Variants in SUSD1 observed in about 807,000 individuals in gnomAD.
The protein encoded by SUSD1 is sushi domain-containing protein 1.
Under a neutral mutation model 86.9 loss-of-function variants are expected in SUSD1, and 65 were observed. The ratio of observed to expected loss-of-function variants is 0.75; its 90% CI spans 0.61 to 0.92. SUSD1 has a LOEUF of 0.92. Ranked by LOEUF, SUSD1 falls within the 40% of genes least tolerant of loss-of-function variation. The pLI is 0.00. For missense variants in SUSD1, 850 were observed against 929.7 expected (o/e 0.91, Z 1.11); for synonymous variants, 346 against 350.0 (o/e 0.99, Z 0.13).
intron 2 of SUSD1, among the ~76,000 whole-genome samples, chr9:112,156,481 A>C (rs1833328888): frequency 6.6e-6 from 1 of 151,568 alleles, no homozygotes; most frequent in African/African-American, 2.4e-5. Context: ...AAAAATACTC[A>C]CTGAAGCTTC....
At chr9:112,076,329 T>C (rs992173623) in intron 12 of SUSD1, among the ~76,000 whole-genome samples, 11 of 152,120 alleles carry the variant, frequency 7.2e-5, no homozygotes, top group African/African-American at 2.4e-4. Flanking sequence ...TGGGGAGAAG[T>C]GGTGGAATTC....
At chr9:112,162,891 G>T (rs1833631163) in intron 1 of SUSD1, among the ~76,000 whole-genome samples, 1 of 152,178 alleles carries the variant, frequency 6.6e-6, no homozygotes, top group Non-Finnish European at 1.5e-5. Flanking sequence ...TATGGAAAAT[G>T]TAATTCTGCT....
intron 5 of SUSD1, among the ~76,000 whole-genome samples, chr9:112,126,938 T>C (rs1444881799): frequency 6.6e-6 from 1 of 152,148 alleles, no homozygotes; most frequent in Non-Finnish European, 1.5e-5. Flanking sequence ...TACCCATCCA[T>C]GTTAAGGGGT....
chr9:112,097,320 A>G (rs953836873), intron 10 of SUSD1, among the ~76,000 whole-genome samples: 7 of 150,872 alleles, frequency 4.6e-5, no homozygotes, highest in African/African-American at 1.7e-4. Flanking sequence ...GCGAGACTCC[A>G]TCTCAAAAAA....
chr9:112,100,226 G>A (rs1174016944), intron 9 of SUSD1, among the ~76,000 whole-genome samples: 7 of 151,810 alleles, frequency 4.6e-5, no homozygotes, highest in African/African-American at 1.5e-4. Flanking sequence ...TTGCTCTGTC[G>A]CCCAGGCTGG....
rs145428257 is a variant in SUSD1 at position 112,042,514 on chromosome 9, C to T, written c.2150-554G>A. On this transcript the variant is annotated intron_variant, in intron 15 of 16. Coordinates refer to ENST00000374270, the MANE Select transcript of SUSD1 (RefSeq NM_022486.5). ...GGATAAAAGTACTTTGAAAGACATA[C>T]TTTCTATTTGGGGACCATCACATGC... 7.2e-3 allele frequency among the ~76,000 whole-genome samples: 1,099 copies of T among 152,292 alleles called. 6 individuals carry two copies. The highest frequency in any genetic ancestry group is 0.011 in the Non-Finnish European group (746 of 68,018).
intron 3 of SUSD1, among the ~76,000 whole-genome samples, chr9:112,147,272 C>T (rs1236510531): frequency 6.6e-6 from 1 of 152,246 alleles, no homozygotes; most frequent in Admixed American, 6.5e-5. Context: ...TTTGGGAGGC[C>T]GAGGCAGGTG....
At chr9:112,128,025 A>T (rs1159154340) in intron 5 of SUSD1, among the ~76,000 whole-genome samples, 1 of 151,040 alleles carries the variant, frequency 6.6e-6, no homozygotes, top group African/African-American at 2.4e-5. Context: ...CTGGTCTCTT[A>T]CTCTCGGACT....
rs529470594 is a variant in SUSD1, at chr9:112,142,961, C to CTTTTTTTTTT, written c.527-472_527-463dup. Among the ~76,000 whole-genome samples the CTTTTTTTTTT allele has an allele frequency of 2.6e-4, 8 of 30,216 alleles. 2 individuals carry two copies. The highest frequency in any genetic ancestry group is 4.2e-4 in the Non-Finnish European group (6 of 14,306). The allele number at this position is 30,216 out of a possible 152,430, so 19.8% of individuals were successfully genotyped here. A position where few individuals can be genotyped will look rare whatever the true frequency, so the allele number is the denominator to read the frequency against. ...AATCCTTTAAGTTTATGAATTTTAG[C>CTTTTTTTTTT]TTTTTTTTTTTTTTTTTTTTTTTTT... On this transcript the variant is annotated intron_variant, in intron 4 of 16. Transcript: ENST00000374270.
chr9:112,114,300 T>C (rs1246133373), intron 6 of SUSD1, among the ~76,000 whole-genome samples: 1 of 152,130 alleles, frequency 6.6e-6, no homozygotes, highest in East Asian at 1.9e-4. Context: ...CTGGCTAACA[T>C]GGCAAAACCC....
At chr9:112,054,294 G>GT (rs2118919324) in intron 14 of SUSD1, among the ~76,000 whole-genome samples, 1 of 152,290 alleles carries the variant, frequency 6.6e-6, no homozygotes, top group South Asian at 2.1e-4. Context: ...GGAAAAGACA[G>GT]TTTTTTCAGG....
chr9:112,123,791 G>A (rs539027646), intron 6 of SUSD1, among the ~76,000 whole-genome samples: 1 of 152,252 alleles, frequency 6.6e-6, no homozygotes, highest in Non-Finnish European at 1.5e-5. Flanking sequence ...CAGGGTGACA[G>A]AGCAAGACTC....
At chr9:112,146,566 C>T (rs1832817532) in intron 3 of SUSD1, among the ~76,000 whole-genome samples, 1 of 151,928 alleles carries the variant, frequency 6.6e-6, no homozygotes, top group South Asian at 2.1e-4. Context: ...CTTTCCTCTT[C>T]CCCTCTTCTT....
intron 8 of SUSD1, among the ~76,000 whole-genome samples, chr9:112,106,076 G>A (rs1295137949): frequency 1.3e-5 from 2 of 152,100 alleles, no homozygotes; most frequent in African/African-American, 4.8e-5. Context: ...TGCAAGCTCT[G>A]CCTCCCATGT....
At chr9:112,101,887 A>T (rs775924109) in intron 9 of SUSD1, among the ~76,000 whole-genome samples, 1 of 152,236 alleles carries the variant, frequency 6.6e-6, no homozygotes, top group Admixed American at 6.5e-5. Flanking sequence ...TCCATGCCCA[A>T]ATGTGAATCT....
chr9:112,124,497 A>G (rs1831687204), intron 5 of SUSD1, 61 bp from the exon 6 acceptor site: 1 of 1,479,144 alleles, frequency 6.8e-7, no homozygotes, highest in Non-Finnish European at 9.1e-7. Context: ...TACAATTCAT[A>G]TCTTTAAAAT....
At chr9:112,162,688 T>A (rs1392526668) in intron 1 of SUSD1, among the ~76,000 whole-genome samples, 1 of 152,240 alleles carries the variant, frequency 6.6e-6, no homozygotes, top group African/African-American at 2.4e-5. Context: ...AATGTGGCTA[T>A]GCAGTTTGAG....
chr9:112,103,798 T>C (rs182573252), intron 8 of SUSD1, among the ~76,000 whole-genome samples: 22 of 152,216 alleles, frequency 1.4e-4, no homozygotes, highest in South Asian at 6.2e-4. Flanking sequence ...AGACCTACTA[T>C]GCAACCTGGC....
chr9:112,102,558 A>T (rs148852018), intron 8 of SUSD1, among the ~76,000 whole-genome samples: 2 of 152,232 alleles, frequency 1.3e-5, no homozygotes, highest in Non-Finnish European at 2.9e-5. Context: ...CTGCTTAATC[A>T]AATGAAATAT....
Sources: allele counts gnomAD v4.1 joint callset (sites outside exome capture counted in the v4.1 genomes callset), GRCh38; gene constraint gnomAD v4.1.1; transcripts MANE v1.5; gene names NCBI Gene and HGNC (gene_info 2026-07-23, HGNC 2026-07-21).